RPL36A: variants seen among roughly 807,000 people sequenced by gnomAD.
RPL36A encodes large ribosomal subunit protein eL42.
For missense variants in RPL36A, 20 were observed against 81.0 expected (o/e 0.25, Z 2.89); for synonymous variants, 25 against 28.5 (o/e 0.88, Z 0.39).
In RPL36A at chrX:101,391,043, C is replaced by G. The variant is rs782142064; in HGVS notation, c.-1C>G. 8.3e-7 allele frequency: 1 copy of G among 1,209,791 alleles called. No individual in the cohort carries two copies. Among genetic ancestry groups the G allele is most frequent in the African/African-American group, 1.7e-5 (1 of 57,470 alleles). The stretch of plus-strand genomic sequence containing the variant: ...TCCGCGCCGATAGCGCTCACGCAAG[C>G]ATGGTAGGACTTGCTGGTGGGGGCC... On this transcript the variant is annotated 5_prime_UTR_variant, in exon 1 of 5. Transcript: ENST00000553110.
At chrX:101,394,335 AAAG>A (rs1927936947) in intron 3 of RPL36A, among the ~76,000 whole-genome samples, 1 of 110,142 alleles carries the variant, frequency 9.1e-6, no homozygotes, top group Non-Finnish European at 1.9e-5. Flanking sequence ...AAAAAAAAAA[AAAG>A]AACAATAAAA....
At chrX:101,392,059 A>T in intron 3 of RPL36A, 2 of 1,151,733 alleles carry the variant, frequency 1.7e-6, no homozygotes, top group Non-Finnish European at 2.3e-6. Flanking sequence ...GAGGCAAAAA[A>T]TTGAGGAATG....
At chrX:101,391,413 A>G in intron 1 of RPL36A, 46 bp from the exon 2 acceptor site, 1 of 1,196,018 alleles carries the variant, frequency 8.4e-7, no homozygotes, top group Non-Finnish European at 1.1e-6. Context: ...GCGTTGTGCC[A>G]TTGTGGTCAA....
At chrX:101,393,288 T>C (rs1450402102) in intron 3 of RPL36A, 1 of 110,797 alleles carries the variant, frequency 9.0e-6, no homozygotes, top group Non-Finnish European at 1.9e-5. Context: ...GTTTGTGGGA[T>C]CTAAAAATCA....
chrX:101,391,341 C>A, intron 1 of RPL36A, 118 bp from the exon 2 acceptor site: 1 of 901,972 alleles, frequency 1.1e-6, no homozygotes, highest in Non-Finnish European at 1.6e-6. Flanking sequence ...ACCCTGTAGT[C>A]AGAGGTAGCA....
At chrX:101,395,307 T>C (rs1927984600) in intron 3 of RPL36A, 28 bp from the exon 4 acceptor site, 1 of 1,161,963 alleles carries the variant, frequency 8.6e-7, no homozygotes, top group South Asian at 2.0e-5. Flanking sequence ...TAGTTATTTA[T>C]TAAGGCTTTA....
chrX:101,392,838 C>T, intron 3 of RPL36A: 1 of 136,822 alleles, frequency 7.3e-6, no homozygotes, highest in Non-Finnish European at 1.3e-5. Context: ...TGTACCTATA[C>T]GCGGCCAGGC....
intron 2 of RPL36A, 75 bp downstream of exon 2, chrX:101,391,639 C>T (rs1927808522): frequency 1.7e-6 from 2 of 1,193,603 alleles, no homozygotes; most frequent in Non-Finnish European, 1.1e-6. Context: ...CCGGGTCTCT[C>T]TCCCTCCACG....
At chrX:101,394,293 G>T (rs1249974094) in intron 3 of RPL36A, among the ~76,000 whole-genome samples, 4 of 103,025 alleles carry the variant, frequency 3.9e-5, no homozygotes, top group Non-Finnish European at 7.8e-5. Context: ...TTGCACTCCA[G>T]CCTGGGCAAC....
At position 101,391,036 on chromosome X, in the gene RPL36A, A is replaced by G. The variant is rs781951769; in HGVS notation, c.-8A>G. 26 of 1,210,753 alleles carry G rather than the reference A, an allele frequency of 2.1e-5. No individual in the cohort carries two copies. The highest frequency in any genetic ancestry group is 4.6e-4 in the Middle Eastern group (2 of 4,374). Reference sequence around the variant, plus strand: ...CTTTCTTTCCGCGCCGATAGCGCTCACGCAAGCATGGTAGGACTTGCTGGT... The same window carrying G: ...CTTTCTTTCCGCGCCGATAGCGCTCGCGCAAGCATGGTAGGACTTGCTGGT... On this transcript the variant is annotated 5_prime_UTR_variant, in exon 1 of 5. Transcript: ENST00000553110.
At chrX:101,394,194 G>A (rs782782090) in intron 3 of RPL36A, among the ~76,000 whole-genome samples, 4 of 109,272 alleles carry the variant, frequency 3.7e-5, no homozygotes, top group African/African-American at 6.7e-5. Context: ...TTAGCTGGGC[G>A]TGGTGGTGGG....
At chrX:101,394,561 C>T (rs980406727) in intron 3 of RPL36A, among the ~76,000 whole-genome samples, 7 of 105,836 alleles carry the variant, frequency 6.6e-5, no homozygotes, top group African/African-American at 2.1e-4. Flanking sequence ...CTATGCAGAG[C>T]TGCTGAATGG....
At chrX:101,391,098 C>G in intron 1 of RPL36A, 52 bp downstream of exon 1, 1 of 1,164,319 alleles carries the variant, frequency 8.6e-7, no homozygotes, top group Non-Finnish European at 1.2e-6. Flanking sequence ...CTTTCCCCCC[C>G]TTCGTCGCCC....
At chrX:101,392,753 T>C (rs1336479351) in intron 3 of RPL36A, 1 of 313,341 alleles carries the variant, frequency 3.2e-6, no homozygotes, top group Non-Finnish European at 4.2e-6. Flanking sequence ...CTCCTATGTT[T>C]GTTGTAGCAC....
chrX:101,391,990 C>T lies in RPL36A; in HGVS notation c.177+168C>T, dbSNP rs1555983519. The T allele has an allele frequency of 1.0e-5, 12 of 1,168,897 alleles. No homozygotes were observed. In the Admixed American group the frequency reaches 1.0e-4, roughly 10 times the overall value. Reference sequence around the variant, plus strand: ...AGCTGGGAATGCAACTCATGTCTGACTAGTCCACAATACTGCACTATTTCA... The same window carrying T: ...AGCTGGGAATGCAACTCATGTCTGATTAGTCCACAATACTGCACTATTTCA... On this transcript the variant is annotated intron_variant, in intron 3 of 4. Coordinates refer to ENST00000553110, the MANE Select transcript of RPL36A (RefSeq NM_021029.6).
intron 3 of RPL36A, 68 bp from the exon 4 acceptor site, chrX:101,395,267 G>T: frequency 1.8e-6 from 2 of 1,091,841 alleles, no homozygotes; most frequent in Non-Finnish European, 2.4e-6. Context: ...AGTACTTAAA[G>T]TAGTCATTTT....
At chrX:101,391,690 A>G in intron 2 of RPL36A, 65 bp from the exon 3 acceptor site, 2 of 1,201,075 alleles carry the variant, frequency 1.7e-6, no homozygotes, top group African/African-American at 1.7e-5. Context: ...AAATTAAGAT[A>G]AAACCTGTAA....
Position 101,395,773 on chromosome X carries a change from A to G in RPL36A, c.*25A>G, listed in dbSNP as rs368473911. ...AGTGTCATCTTTTATTATGAAGACA[A>G]TAAAATCTTGAGTTTATGTTCACTT... On this transcript the variant is annotated 3_prime_UTR_variant, in exon 5 of 5. Coordinates refer to ENST00000553110, the MANE Select transcript of RPL36A (RefSeq NM_021029.6). 51 of 1,179,587 alleles carry G rather than the reference A, an allele frequency of 4.3e-5. No individual in the cohort carries two copies. Among genetic ancestry groups the G allele is most frequent in the Non-Finnish European group, 5.8e-5 (50 of 869,497 alleles).
At chrX:101,394,363 G>A (rs1555983969) in intron 3 of RPL36A, among the ~76,000 whole-genome samples, 4 of 108,940 alleles carry the variant, frequency 3.7e-5, no homozygotes, top group African/African-American at 1.3e-4. Context: ...TTGAGGATTA[G>A]TGGGGAGTGT....
Sources: allele counts gnomAD v4.1 joint callset (sites outside exome capture counted in the v4.1 genomes callset), GRCh38; gene constraint gnomAD v4.1.1; transcripts MANE v1.5; gene names NCBI Gene and HGNC (gene_info 2026-07-23, HGNC 2026-07-21).